Variants in ARID1B observed in about 807,000 individuals in gnomAD.
The protein encoded by ARID1B is AT-rich interactive domain-containing protein 1B.
A neutral mutation model predicts 212.3 loss-of-function variants in ARID1B; 30 were observed. That is an observed-to-expected ratio of 0.14 (90% CI 0.11 to 0.19). ARID1B has a LOEUF of 0.19. Ranked by LOEUF, ARID1B falls within the 10% of genes least tolerant of loss-of-function variation. ARID1B has a pLI of 1.00. For synonymous variants in ARID1B, 1,402 were observed against 1,301.7 expected, an observed-to-expected ratio of 1.08 and a Z score of -1.66; for missense variants, 2,891 against 3,204.0, an observed-to-expected ratio of 0.90 and a Z score of 2.36.
chr6:157,025,228 C>G (rs1780584603), intron 4 of ARID1B, among the ~76,000 whole-genome samples: 1 of 152,108 alleles, frequency 6.6e-6, no homozygotes, highest in African/African-American at 2.4e-5. Flanking sequence ...AACACTTTCT[C>G]AGAACAAAAA....
At chr6:157,021,454 G>GGCCTCTGCCGGCAGGCCCCGCT (rs1780251372) in intron 4 of ARID1B, among the ~76,000 whole-genome samples, 1 of 152,190 alleles carries the variant, frequency 6.6e-6, no homozygotes, top group Non-Finnish European at 1.5e-5. Flanking sequence ...GCAGCCCGGC[G>GGCCTCTGCCGGCAGGCCCCGCT]GCCTCTGCCG....
intron 6 of ARID1B, among the ~76,000 whole-genome samples, chr6:157,120,705 C>T (rs1787650324): frequency 6.6e-6 from 1 of 152,174 alleles, no homozygotes. Context: ...ACACACATGG[C>T]AAAGCAGCTT....
At chr6:156,876,399 C>G (rs531408172) in intron 2 of ARID1B, among the ~76,000 whole-genome samples, 2 of 152,182 alleles carry the variant, frequency 1.3e-5, no homozygotes, top group Non-Finnish European at 2.9e-5. Context: ...TCAGCTGTCT[C>G]GTCCTGGTTC....
intron 1 of ARID1B, among the ~76,000 whole-genome samples, chr6:156,822,658 A>G (rs1309475762): frequency 6.6e-6 from 1 of 152,196 alleles, no homozygotes; most frequent in Non-Finnish European, 1.5e-5. Flanking sequence ...TAGGAGAAGA[A>G]CCTGACCAGA....
intron 1 of ARID1B, among the ~76,000 whole-genome samples, chr6:156,817,089 AAAAG>A (rs1211444087): frequency 2.0e-5 from 3 of 151,870 alleles, no homozygotes; most frequent in South Asian, 2.1e-4. Context: ...TTAAAAAAAA[AAAAG>A]AAAAAAAAAG....
At chr6:156,963,739 A>G (rs1372424490) in intron 4 of ARID1B, among the ~76,000 whole-genome samples, 1 of 152,224 alleles carries the variant, frequency 6.6e-6, no homozygotes, top group Non-Finnish European at 1.5e-5. Context: ...AACCAAAACA[A>G]ACTTCTCCTC....
intron 7 of ARID1B, among the ~76,000 whole-genome samples, chr6:157,141,544 T>C (rs1404983599): frequency 6.6e-6 from 1 of 152,234 alleles, no homozygotes; most frequent in Admixed American, 6.5e-5. Context: ...GATCATCTAC[T>C]TGATGCATTT....
intron 4 of ARID1B, among the ~76,000 whole-genome samples, chr6:157,003,722 T>C (rs1195933164): frequency 6.6e-6 from 1 of 152,240 alleles, no homozygotes; most frequent in East Asian, 1.9e-4. Context: ...AGGGTCTTGC[T>C]CTGTCACCCA....
intron 4 of ARID1B, among the ~76,000 whole-genome samples, chr6:156,983,843 G>C (rs1438754005): frequency 6.6e-6 from 1 of 152,054 alleles, no homozygotes; most frequent in South Asian, 2.1e-4. Context: ...TCCAGTTCTT[G>C]AGCTGTTCAG....
chr6:157,052,774 C>G (rs1478311998), intron 4 of ARID1B, among the ~76,000 whole-genome samples: 1 of 152,166 alleles, frequency 6.6e-6, no homozygotes, highest in African/African-American at 2.4e-5. Flanking sequence ...GGCTGGAGTG[C>G]AGTGGCGGAG....
chr6:156,902,515 G>A (rs1357465757), intron 3 of ARID1B, among the ~76,000 whole-genome samples: 1 of 151,844 alleles, frequency 6.6e-6, no homozygotes, highest in African/African-American at 2.4e-5. Context: ...TATTTTCTTG[G>A]GTTTGTTGGA....
chr6:156,845,737 C>T (rs1784187235), intron 2 of ARID1B, among the ~76,000 whole-genome samples: 2 of 152,060 alleles, frequency 1.3e-5, no homozygotes, highest in African/African-American at 4.8e-5. Context: ...CAGTATTAAA[C>T]TTGGTGCTAT....
At chr6:156,921,015 T>C (rs977253272) in intron 3 of ARID1B, among the ~76,000 whole-genome samples, 1 of 152,040 alleles carries the variant, frequency 6.6e-6, no homozygotes, top group African/African-American at 2.4e-5. Context: ...AATTAATTAA[T>C]TAATTAGCAG....
chr6:157,040,223 C>A (rs961494601), intron 4 of ARID1B, among the ~76,000 whole-genome samples: 1 of 152,228 alleles, frequency 6.6e-6, no homozygotes. Flanking sequence ...CAGGCGCAAG[C>A]CACTGTGCTC....
At chr6:156,997,097 C>A (rs1778637779) in intron 4 of ARID1B, among the ~76,000 whole-genome samples, 1 of 152,150 alleles carries the variant, frequency 6.6e-6, no homozygotes. Context: ...ATATTATTTT[C>A]ACAAGTACCC....
At chr6:156,995,811 G>A (rs1778552706) in intron 4 of ARID1B, among the ~76,000 whole-genome samples, 2 of 152,142 alleles carry the variant, frequency 1.3e-5, no homozygotes. Flanking sequence ...CAGGACGCAC[G>A]GTTAAATTTG....
intron 3 of ARID1B, among the ~76,000 whole-genome samples, chr6:156,915,635 C>T (rs910128109): frequency 1.3e-4 from 20 of 151,888 alleles, no homozygotes; most frequent in African/African-American, 4.1e-4. Flanking sequence ...GTGGCTCATG[C>T]CTGAAATCCC....
At chr6:157,067,428 C>G (rs774550446) in intron 4 of ARID1B, among the ~76,000 whole-genome samples, 3 of 152,182 alleles carry the variant, frequency 2.0e-5, no homozygotes, top group Non-Finnish European at 4.4e-5. Flanking sequence ...ACAGAGTCTC[C>G]CTGCTCCCCT....
intron 4 of ARID1B, among the ~76,000 whole-genome samples, chr6:157,084,143 C>CT (rs1491409726): frequency 3.0e-5 from 4 of 134,286 alleles, no homozygotes; most frequent in African/African-American, 8.3e-5. Context: ...ACCTCCCCCC[C>CT]AAAAAAAAAA....
Sources: gnomAD v4.1 joint callset for allele counts (sites outside exome capture counted in the v4.1 genomes callset) on GRCh38, gnomAD v4.1.1 for gene constraint, MANE v1.5 for transcripts, NCBI Gene and HGNC (gene_info 2026-07-23, HGNC 2026-07-21) for gene names.